Variants in ADAMTS7 observed in about 807,000 individuals in gnomAD.
ADAMTS7 encodes the protein ADAM metallopeptidase with thrombospondin type 1 motif 7, also known as A disintegrin and metalloproteinase with thrombospondin motifs 7.
In ADAMTS7, 89 loss-of-function variants were observed where a neutral mutation model predicts 172.6. That is an observed-to-expected ratio of 0.52 (90% CI 0.43 to 0.61). ADAMTS7 has a LOEUF of 0.61. Ranked by LOEUF, ADAMTS7 falls within the 20% of genes least tolerant of loss-of-function variation. ADAMTS7 has a pLI of 0.00. For synonymous variants in ADAMTS7, 885 were observed against 978.4 expected (o/e 0.90, Z 1.78); for missense variants, 1,973 against 2,355.6 (o/e 0.84, Z 3.36).
chr15:78,788,397 G>T (rs1322640196), intron 7 of ADAMTS7, 23 bp from the exon 8 acceptor site: 2 of 1,610,066 alleles, frequency 1.2e-6, no homozygotes, highest in African/African-American at 2.7e-5. Flanking sequence ...ACAGGCCCCA[G>T]GGGCGGGTGA....
chr15:78,790,861 C>G, intron 5 of ADAMTS7, 67 bp from the exon 6 acceptor site: 1 of 1,596,268 alleles, frequency 6.3e-7, no homozygotes, highest in Middle Eastern at 2.2e-4. Flanking sequence ...CCAATTCTCC[C>G]CCATACGAAG....
chr15:78,786,911 C>A (rs778780558), intron 8 of ADAMTS7, among the ~76,000 whole-genome samples: 51 of 152,222 alleles, frequency 3.4e-4, no homozygotes, highest in Admixed American at 7.8e-4. Context: ...TTTCTCCTCC[C>A]TCCTCAGCCT....
intron 1 of ADAMTS7, among the ~76,000 whole-genome samples, chr15:78,804,871 T>C (rs1348694381): frequency 6.6e-6 from 1 of 152,136 alleles, no homozygotes; most frequent in Non-Finnish European, 1.5e-5. Flanking sequence ...ACTCACTAAA[T>C]CAGCATTTCC....
At chr15:78,794,577 C>T (rs1462171254) in intron 4 of ADAMTS7, among the ~76,000 whole-genome samples, 1 of 152,066 alleles carries the variant, frequency 6.6e-6, no homozygotes, top group African/African-American at 2.4e-5. Flanking sequence ...GAGGATGGGG[C>T]TCACCAAGTG....
At chr15:78,790,615 G>A (rs1160406921) in intron 6 of ADAMTS7, 55 bp downstream of exon 6, 1 of 1,601,816 alleles carries the variant, frequency 6.2e-7, no homozygotes, top group Non-Finnish European at 8.5e-7. Flanking sequence ...TTCTTCTGCA[G>A]GGCCGGGAAG....
rs145191715 is a variant in ADAMTS7 at position 78,791,638 on chromosome 15, T to C, written c.820-415A>G. On this transcript the variant is annotated intron_variant, in intron 4 of 23. Coordinates refer to ENST00000388820, the MANE Select transcript of ADAMTS7 (RefSeq NM_014272.5). ...AGTCCTACAACTGCCAGGGCTATGA[T>C]AGCAGTGCCCTCCTGACCTGGGGAT... 3.5e-3 allele frequency among the ~76,000 whole-genome samples: 527 copies of C among 152,338 alleles called. 2 individuals are homozygous for C. The highest frequency in any genetic ancestry group is 0.012 in the African/African-American group (492 of 41,574).
rs778784747 is a variant in ADAMTS7 at position 78,771,686 on chromosome 15, C to T, written c.2275G>A (p.Gly759Arg). The T allele has an allele frequency of 6.9e-6, 11 of 1,604,870 alleles. No individual in the cohort carries two copies. The highest frequency in any genetic ancestry group is 5.5e-5 in the South Asian group (5 of 91,014). ...LNGGWTIQWN[G>R]DYQVAGTTFT... is the part of the protein sequence containing the mutation. ...GTGGTCCCTGCCACCTGGTAGTCCC[C>T]GTTCCACTGGATGGTCCAGCCACCA... The change falls in exon 15 of 24, where the codon GGG becomes AGG. Residue 759 changes from glycine to arginine, a missense_variant. Transcript: ENST00000388820. The surrounding 1 kb of genome is among the most constrained non-coding windows in gnomAD (Gnocchi z 4.9).
chr15:78,800,117 G>A, intron 2 of ADAMTS7, 75 bp downstream of exon 2: 2 of 1,333,548 alleles, frequency 1.5e-6, no homozygotes, highest in Non-Finnish European at 2.1e-6. Context: ...AGACAAGTGC[G>A]TGGCAAGGCT....
chr15:78,765,018 C>T, intron 19 of ADAMTS7: 1 of 308,992 alleles, frequency 3.2e-6, no homozygotes. Flanking sequence ...CTTGACCAGC[C>T]TCGTCGCTTC....
At position 78,773,148 on chromosome 15, in the gene ADAMTS7, A is replaced by G; in HGVS notation, c.2066T>C (p.Val689Ala). Reference sequence around the variant, plus strand: ...GCAGGTGGAGCCGTTGCCGTGGCACACACCACAGCGGTCCTCCATAGCACC... The same window carrying G: ...GCAGGTGGAGCCGTTGCCGTGGCACGCACCACAGCGGTCCTCCATAGCACC... Reference protein sequence around the residue: ...DSGAMEDRCGVCHGNGSTCHT... With the variant: ...DSGAMEDRCGACHGNGSTCHT... Residue 689 changes from valine (V) to alanine (A), a missense_variant, in exon 14 of 24, where the codon GTG becomes GCG. By Grantham distance (64) the Val-to-Ala change is moderately conservative (BLOSUM62 0). Around this residue, in one of 8 missense-constraint regions of ADAMTS7, gnomAD observed 13 missense variants for 43.9 expected, o/e 0.30. Coordinates refer to ENST00000388820, the MANE Select transcript of ADAMTS7 (RefSeq NM_014272.5). 1 of 1,506,784 alleles carries G rather than the reference A, an allele frequency of 6.6e-7. No individual in the cohort carries two copies. The highest frequency in any genetic ancestry group is 1.2e-5 in the South Asian group (1 of 83,906). The allele number at this position is 1,506,784 out of a possible 1,614,324, so 93.3% of individuals were successfully genotyped here. A position where few individuals can be genotyped will look rare whatever the true frequency, so the allele number is the denominator to read the frequency against.
intron 4 of ADAMTS7, among the ~76,000 whole-genome samples, chr15:78,792,740 G>T (rs2055597385): frequency 6.6e-6 from 1 of 152,176 alleles, no homozygotes; most frequent in Non-Finnish European, 1.5e-5. Flanking sequence ...TGGAACCCGG[G>T]AAGGCAGAGG....
chr15:78,762,312 C>T (rs2055057648), intron 23 of ADAMTS7, 91 bp downstream of exon 23: 2 of 1,309,710 alleles, frequency 1.5e-6, no homozygotes, highest in Non-Finnish European at 2.0e-6. Flanking sequence ...CCAGCCAGTG[C>T]CGTGGGCACA....
At chr15:78,777,316 T>A (rs2141491936) in intron 9 of ADAMTS7, 128 bp downstream of exon 9, 1 of 1,321,726 alleles carries the variant, frequency 7.6e-7, no homozygotes, top group African/African-American at 1.5e-5. Context: ...TCTCACAGTG[T>A]CACTCAGGGG....
At position 78,766,423 on chromosome 15, in the gene ADAMTS7, G is replaced by A. The variant is rs775257549; in HGVS notation, c.3488C>T (p.Pro1163Leu). ...GAGCCCAAGATCTGGGGCCCCTATG[G>A]GGGTGTCTTCCTCAGGCAGGAAATT... ...LINFLPEEDT[P>L]IGAPDLGLPS... The change falls in exon 19 of 24, where the codon CCC becomes CTC. Residue 1163 changes from proline (P) to leucine (L), a missense_variant. This residue lies in a region of ADAMTS7 where 771 missense variants were observed against 952.6 expected (regional missense o/e 0.81). Transcript: ENST00000388820. The A allele has an allele frequency of 4.4e-6, 7 of 1,594,064 alleles. No individual in the cohort carries two copies. The highest frequency in any genetic ancestry group is 2.3e-4 in the Middle Eastern group (1 of 4,320).
intron 1 of ADAMTS7, 59 bp downstream of exon 1, chr15:78,811,062 G>A: frequency 1.6e-6 from 2 of 1,226,778 alleles, no homozygotes; most frequent in East Asian, 6.4e-5. Context: ...ACAAAACCGA[G>A]ACTGGGGGAG....
At chr15:78,783,231 T>C (rs542051476) in intron 8 of ADAMTS7, among the ~76,000 whole-genome samples, 3 of 152,336 alleles carry the variant, frequency 2.0e-5, no homozygotes, top group Admixed American at 1.3e-4. Flanking sequence ...TGAGTATCTC[T>C]GCATCTCCTT....
intron 7 of ADAMTS7, 54 bp downstream of exon 7, chr15:78,789,635 G>T: frequency 1.2e-6 from 2 of 1,602,048 alleles, no homozygotes; most frequent in Non-Finnish European, 1.7e-6. Flanking sequence ...GGTGCCCCCA[G>T]GCTGCGAGGG....
At chr15:78,783,432 G>C (rs963085226) in intron 8 of ADAMTS7, among the ~76,000 whole-genome samples, 1 of 143,846 alleles carries the variant, frequency 7.0e-6, no homozygotes, top group African/African-American at 2.5e-5. Flanking sequence ...ACCAGGCCTG[G>C]CTAATTTTTT....
intron 8 of ADAMTS7, among the ~76,000 whole-genome samples, chr15:78,779,458 C>A (rs1160291507): frequency 6.6e-6 from 1 of 152,182 alleles, no homozygotes; most frequent in Non-Finnish European, 1.5e-5. Context: ...CACTGGGCTA[C>A]CCCCAGTGCA....
Sources: gnomAD v4.1 joint callset for allele counts (sites outside exome capture counted in the v4.1 genomes callset) on GRCh38, gnomAD v4.1.1 for gene constraint, gnomAD v4.1.1 regional missense constraint, Gnocchi (gnomAD v3.1) non-coding constraint, MANE v1.5 for transcripts, NCBI Gene and HGNC (gene_info 2026-07-23, HGNC 2026-07-21) for gene names.